The following SLC44A1 variants were observed in gnomAD, a reference collection of about 807,000 sequenced individuals.
SLC44A1 encodes the protein choline transporter-like protein 1.
SLC44A1 carries 26 observed loss-of-function variants against 79.3 expected under a neutral mutation model. That is an observed-to-expected ratio of 0.33 (90% confidence interval 0.24 to 0.46). The LOEUF (loss-of-function observed/expected upper bound fraction) is 0.46. SLC44A1 is among the 20% of genes least tolerant of loss of function. The pLI, the probability that SLC44A1 is intolerant of heterozygous loss-of-function variation, is 1.00. For synonymous variants in SLC44A1, 263 were observed against 286.2 expected, an observed-to-expected ratio of 0.92 and a Z score of 0.82; for missense variants, 688 against 798.1, an observed-to-expected ratio of 0.86 and a Z score of 1.66.
intron 1 of SLC44A1, among the ~76,000 whole-genome samples, chr9:105,296,092 G>C (rs1830714656): frequency 6.6e-6 from 1 of 152,152 alleles, no homozygotes; most frequent in Non-Finnish European, 1.5e-5. Flanking sequence ...ATAACAGAGA[G>C]AGGGTTAACT....
At chr9:105,285,166 G>T (rs1830445787) in intron 1 of SLC44A1, among the ~76,000 whole-genome samples, 1 of 152,092 alleles carries the variant, frequency 6.6e-6, no homozygotes, top group Non-Finnish European at 1.5e-5. Flanking sequence ...TCAGTTGATG[G>T]GCATTGTATG....
chr9:105,413,145 T>C (rs1344416735), intron 15 of SLC44A1, among the ~76,000 whole-genome samples: 1 of 152,242 alleles, frequency 6.6e-6, no homozygotes, highest in Non-Finnish European at 1.5e-5. Flanking sequence ...TTCTGTTTCA[T>C]CAGTCAATTA....
At chr9:105,292,017 G>T (rs921133993) in intron 1 of SLC44A1, among the ~76,000 whole-genome samples, 2 of 152,166 alleles carry the variant, frequency 1.3e-5, no homozygotes, top group African/African-American at 4.8e-5. Context: ...AGCCCAAATG[G>T]TATTGGAATC....
Position 105,390,126 on chromosome 9 carries a change from A to C in SLC44A1, c.*1070A>C. The C allele has an allele frequency of 8.1e-7, 1 of 1,241,242 alleles. No homozygotes were observed. Among genetic ancestry groups the C allele is most frequent in the Non-Finnish European group, 1.0e-6 (1 of 986,428 alleles). 76.9% of individuals were successfully genotyped at this position (1,241,242 alleles called of 1,614,324 possible). On this transcript the variant is annotated 3_prime_UTR_variant, in exon 16 of 16. Transcript: ENST00000374720. ...GAGTTCTACGATGTTTAACTGAAGA[A>C]TTGGCTAATGTTTTGATCCTCCAGT...
chr9:105,425,148 G>A (rs1829304726), intron 15 of SLC44A1, among the ~76,000 whole-genome samples: 1 of 151,940 alleles, frequency 6.6e-6, no homozygotes, highest in African/African-American at 2.4e-5. Context: ...TTCACTTAAA[G>A]TTATATCATG....
At chr9:105,284,339 A>G (rs989108375) in intron 1 of SLC44A1, among the ~76,000 whole-genome samples, 3 of 150,980 alleles carry the variant, frequency 2.0e-5, no homozygotes, top group African/African-American at 4.9e-5. Context: ...TGCTGGGATT[A>G]TAGGCATGAG....
chr9:105,248,016 T>A (rs1359704167), intron 1 of SLC44A1, among the ~76,000 whole-genome samples: 2 of 152,332 alleles, frequency 1.3e-5, no homozygotes, highest in East Asian at 3.9e-4. Context: ...ATGACCTGCT[T>A]AATGTGTATG....
At chr9:105,408,314 CA>C (rs1381535572) in intron 15 of SLC44A1, among the ~76,000 whole-genome samples, 4 of 151,878 alleles carry the variant, frequency 2.6e-5, no homozygotes, top group Non-Finnish European at 5.9e-5. Flanking sequence ...TCTAGCTATA[CA>C]AAAAAATAAA....
chr9:105,339,254 C>T (rs76107659), intron 4 of SLC44A1, among the ~76,000 whole-genome samples: 3,103 of 151,714 alleles, frequency 0.02, 98 homozygotes, highest in African/African-American at 0.071. Context: ...CTGAAAATCA[C>T]ACAAGTGTTG....
At chr9:105,364,068 C>T (rs1737091514) in intron 9 of SLC44A1, among the ~76,000 whole-genome samples, 2 of 152,180 alleles carry the variant, frequency 1.3e-5, no homozygotes, top group Admixed American at 6.5e-5. Flanking sequence ...TTCTTACAGC[C>T]GTACTGAGTA....
intron 1 of SLC44A1, among the ~76,000 whole-genome samples, chr9:105,284,132 T>C (rs1830421591): frequency 6.6e-6 from 1 of 152,174 alleles, no homozygotes; most frequent in African/African-American, 2.4e-5. Context: ...TCACTATAAC[T>C]ACCCAGGTAC....
At chr9:105,344,797 T>A (rs1040949532) in intron 4 of SLC44A1, among the ~76,000 whole-genome samples, 1 of 152,078 alleles carries the variant, frequency 6.6e-6, no homozygotes, top group African/African-American at 2.4e-5. Flanking sequence ...AACAAAAAAT[T>A]ACAAAAGAAT....
intron 12 of SLC44A1, among the ~76,000 whole-genome samples, chr9:105,367,412 A>G (rs907286256): frequency 6.6e-6 from 1 of 152,210 alleles, no homozygotes; most frequent in Non-Finnish European, 1.5e-5. Flanking sequence ...CTTATAGGTC[A>G]TAATATTCCC....
intron 1 of SLC44A1, among the ~76,000 whole-genome samples, chr9:105,249,564 G>A (rs957124648): frequency 4.7e-5 from 7 of 148,784 alleles, no homozygotes; most frequent in Non-Finnish European, 7.4e-5. Flanking sequence ...GGCTCTCATC[G>A]CCCAGGCTGG....
At chr9:105,296,822 C>A (rs537782581) in intron 1 of SLC44A1, among the ~76,000 whole-genome samples, 1 of 152,240 alleles carries the variant, frequency 6.6e-6, no homozygotes, top group Non-Finnish European at 1.5e-5. Context: ...AGAATTATGT[C>A]AAATTATTTT....
At chr9:105,418,435 T>A (rs1054520066) in intron 15 of SLC44A1, among the ~76,000 whole-genome samples, 2 of 151,932 alleles carry the variant, frequency 1.3e-5, no homozygotes, top group African/African-American at 4.8e-5. Flanking sequence ...GGCCATTAGA[T>A]CATGCTGTTC....
rs998653649 is a variant in SLC44A1, at chr9:105,393,086, C to T, written c.*4030C>T. 2.8e-5 allele frequency: 28 copies of T among 985,158 alleles called. No homozygotes were observed. The African/African-American group carries it at 4.9e-4, about 17-fold the overall frequency. The allele number at this position is 985,158 out of a possible 1,614,324, so 61.0% of individuals were successfully genotyped here. ...CATACGAGTGCACTATAATGGCTTG[C>T]CTAGAACTGGTAAGAAGTGGTCTGT... is the stretch of plus-strand genomic sequence containing the variant. On this transcript the variant is annotated 3_prime_UTR_variant, in exon 16 of 16. Transcript: ENST00000374720.
At chr9:105,347,514 A>G (rs1284056829) in intron 4 of SLC44A1, among the ~76,000 whole-genome samples, 2 of 152,166 alleles carry the variant, frequency 1.3e-5, no homozygotes, top group East Asian at 3.9e-4. Context: ...GACTTTATCC[A>G]TCTCAATTAT....
chr9:105,398,583 A>T (rs10491810), downstream of SLC44A1, among the ~76,000 whole-genome samples: 7,490 of 152,268 alleles, frequency 0.049, 231 homozygotes, highest in South Asian at 0.076. Context: ...TGGAAAGCGT[A>T]CTCTGTATTT....
Sources: gnomAD v4.1 joint callset for allele counts (sites outside exome capture counted in the v4.1 genomes callset) on GRCh38, gnomAD v4.1.1 for gene constraint, MANE v1.5 for transcripts, NCBI Gene and HGNC (gene_info 2026-07-23, HGNC 2026-07-21) for gene names.